Variants in HSDL2 observed in about 807,000 individuals in gnomAD.
HSDL2 encodes the protein hydroxysteroid dehydrogenase-like protein 2.
A neutral mutation model predicts 46.3 loss-of-function variants in HSDL2; 27 were observed. The observed-to-expected ratio is 0.58, with a 90% CI of 0.43 to 0.80. The LOEUF is 0.80. Among genes scored for constraint, HSDL2 ranks in the 30% least tolerant of loss-of-function variants. The probability of loss-of-function intolerance (pLI) is 0.00; values close to 1 mark genes in which losing one functional copy is unlikely to be tolerated. For missense variants in HSDL2, 451 were observed against 502.7 expected, an observed-to-expected ratio of 0.90 and a Z score of 0.98; for synonymous variants, 153 against 163.6, an observed-to-expected ratio of 0.94 and a Z score of 0.50.
At chr9:112,453,258 C>T (rs1367655295) in intron 8 of HSDL2, among the ~76,000 whole-genome samples, 2 of 152,336 alleles carry the variant, frequency 1.3e-5, no homozygotes, top group East Asian at 1.9e-4. Context: ...ACCAGTTCCA[C>T]AGCTGATATT....
chr9:112,438,855 TAA>T (rs1455065223), intron 7 of HSDL2: 41 of 233,628 alleles, frequency 1.8e-4, no homozygotes, highest in Non-Finnish European at 2.8e-4. Flanking sequence ...TATATATATA[TAA>T]GCACAGAAAG....
intron 6 of HSDL2, chr9:112,434,037 G>A (rs767225786): frequency 5.3e-5 from 8 of 152,176 alleles, no homozygotes; most frequent in Non-Finnish European, 8.8e-5. Flanking sequence ...TCACAACATG[G>A]AATTTCAGGC....
chr9:112,432,084 G>A (rs1832420549), intron 6 of HSDL2, among the ~76,000 whole-genome samples: 1 of 152,086 alleles, frequency 6.6e-6, no homozygotes, highest in Non-Finnish European at 1.5e-5. Flanking sequence ...GTTTCACCAT[G>A]TTGACCAGTC....
At chr9:112,438,922 T>C (rs1043539454) in intron 7 of HSDL2, 3 of 181,428 alleles carry the variant, frequency 1.7e-5, no homozygotes, top group Non-Finnish European at 3.4e-5. Flanking sequence ...AAAATTATTT[T>C]TTAAAGTTGG....
chr9:112,424,013 C>G (rs965556023), intron 6 of HSDL2, among the ~76,000 whole-genome samples: 1 of 151,458 alleles, frequency 6.6e-6, no homozygotes, highest in Non-Finnish European at 1.5e-5. Context: ...CACACCTGGC[C>G]TAGATGGTAT....
chr9:112,438,966 A>T (rs1832587130), intron 7 of HSDL2, among the ~76,000 whole-genome samples: 1 of 152,154 alleles, frequency 6.6e-6, no homozygotes, highest in South Asian at 2.1e-4. Context: ...TTTGTTCAAG[A>T]ATATGTGGTA....
intron 6 of HSDL2, among the ~76,000 whole-genome samples, chr9:112,437,020 A>C (rs1293771499): frequency 2.3e-5 from 3 of 128,982 alleles, no homozygotes; most frequent in Non-Finnish European, 4.6e-5. Flanking sequence ...AGAACAGTGG[A>C]GTAATCTCAG....
At chr9:112,392,968 G>T (rs1228057013) in intron 1 of HSDL2, among the ~76,000 whole-genome samples, 1 of 152,072 alleles carries the variant, frequency 6.6e-6, no homozygotes, top group Non-Finnish European at 1.5e-5. Flanking sequence ...CCTCCATTGG[G>T]GGGTCCCAGA....
chr9:112,467,202 T>TGTG (rs1833418887), intron 10 of HSDL2, among the ~76,000 whole-genome samples: 1 of 14,084 alleles, frequency 7.1e-5, no homozygotes, highest in African/African-American at 5.1e-4. Context: ...ATAAACAAAG[T>TGTG]GTGGTATATA....
intron 6 of HSDL2, among the ~76,000 whole-genome samples, chr9:112,429,142 G>C (rs1379185449): frequency 6.6e-6 from 1 of 152,184 alleles, no homozygotes; most frequent in Non-Finnish European, 1.5e-5. Context: ...TAGGAGATCT[G>C]CCTGCCTTAG....
chr9:112,465,871 C>T (rs2132716381), intron 10 of HSDL2, among the ~76,000 whole-genome samples: 1 of 152,202 alleles, frequency 6.6e-6, no homozygotes, highest in East Asian at 1.9e-4. Flanking sequence ...TTCTATGTGG[C>T]TTTATGTTTT....
At chr9:112,403,256 C>T (rs1831650017) in intron 1 of HSDL2, among the ~76,000 whole-genome samples, 1 of 152,222 alleles carries the variant, frequency 6.6e-6, no homozygotes, top group Non-Finnish European at 1.5e-5. Flanking sequence ...CCAATCCCTC[C>T]CACTCCCAGC....
intron 7 of HSDL2, among the ~76,000 whole-genome samples, chr9:112,440,899 T>A (rs1685508972): frequency 6.6e-6 from 1 of 152,096 alleles, no homozygotes; most frequent in Non-Finnish European, 1.5e-5. Context: ...TCCCAGCTAC[T>A]TGGGAGGCTG....
chr9:112,405,218 G>C (rs542904431), intron 2 of HSDL2, among the ~76,000 whole-genome samples: 1 of 152,118 alleles, frequency 6.6e-6, no homozygotes, highest in Non-Finnish European at 1.5e-5. Flanking sequence ...CTGGCGTGGT[G>C]GTGCATGCCT....
At chr9:112,387,106 T>C (rs1831234436) in intron 1 of HSDL2, among the ~76,000 whole-genome samples, 1 of 152,244 alleles carries the variant, frequency 6.6e-6, no homozygotes, top group African/African-American at 2.4e-5. Context: ...AAATTATTGT[T>C]AATTTTCTTG....
chr9:112,452,208 CT>C (rs1832903360), intron 8 of HSDL2, among the ~76,000 whole-genome samples: 1 of 152,202 alleles, frequency 6.6e-6, no homozygotes, highest in Non-Finnish European at 1.5e-5. Context: ...ATTCAGTATA[CT>C]TTATGAATTA....
In HSDL2 at chr9:112,437,223, G is replaced by C. The variant is rs1322522448; in HGVS notation, c.599-1208G>C. Among the ~76,000 whole-genome samples the C allele has an allele frequency of 2.0e-5, 3 of 151,918 alleles. No individual in the cohort carries two copies. In the South Asian group the frequency reaches 6.2e-4, roughly 31 times the overall value. ...GATCCACCCACCTCGGCCTCCCACA[G>C]TGCCGGGATTACAGGCGTGAGCCAC... On this transcript the variant is annotated intron_variant, in intron 6 of 10. Transcript: ENST00000398805.
rs1020723459 is a variant in HSDL2, at chr9:112,450,719, C to T, written c.866-3294C>T. ...AGTACATTTATATTTTGGCTTATTT[C>T]CTTTCAACCACTTTTTTTTGGCACA... On this transcript the variant is annotated intron_variant, in intron 8 of 10. Coordinates refer to ENST00000398805, the MANE Select transcript of HSDL2 (RefSeq NM_032303.5). Among the ~76,000 whole-genome samples, 9 of 151,216 alleles carry T rather than the reference C, an allele frequency of 6.0e-5. No homozygotes were observed. The East Asian group carries it at 7.8e-4, about 13-fold the overall frequency.
Position 112,459,515 on chromosome 9 carries a change from C to A in HSDL2, c.1082C>A (p.Pro361His). ...SKGGNVGYGE[P>H]SDQADVVMSM... ...GGTGGGAATGTCGGATATGGAGAGC[C>A]TTCTGATCAGGCAGATGTGGTGATG... The change falls in exon 10 of 11, where the codon CCT (proline) becomes CAT (histidine). Residue 361 changes from proline to histidine, a missense_variant. Coordinates refer to ENST00000398805, the MANE Select transcript of HSDL2 (RefSeq NM_032303.5). 1 of 1,613,872 alleles carries A rather than the reference C, an allele frequency of 6.2e-7. No individual in the cohort carries two copies. The highest frequency in any genetic ancestry group is 1.1e-5 in the South Asian group (1 of 91,082).
Sources: gnomAD v4.1 joint callset for allele counts (sites outside exome capture counted in the v4.1 genomes callset) on GRCh38, gnomAD v4.1.1 for gene constraint, MANE v1.5 for transcripts, NCBI Gene and HGNC (gene_info 2026-07-23, HGNC 2026-07-21) for gene names.